CELF2: variants seen among roughly 807,000 people sequenced by gnomAD.
The protein encoded by CELF2 is CUG triplet repeat RNA-binding protein 2.
Under a neutral mutation model 62.6 loss-of-function variants are expected in CELF2, and 8 were observed. That is an observed-to-expected ratio of 0.13 (90% CI 0.07 to 0.23). The LOEUF (loss-of-function observed/expected upper bound fraction) is 0.23. Ranked by LOEUF, CELF2 falls within the 10% of genes least tolerant of loss-of-function variation. CELF2 has a pLI of 1.00. For missense variants in CELF2, 333 were observed against 671.0 expected (o/e 0.50, Z 5.56); for synonymous variants, 258 against 250.0 (o/e 1.03, Z -0.30).
the CELF2 span, among the ~76,000 whole-genome samples, chr10:10,615,726 G>A: frequency 6.6e-6 from 1 of 152,120 alleles, no homozygotes; most frequent in Admixed American, 6.5e-5. Flanking sequence ...CTCCCACCAT[G>A]TAAGATGTGC....
At chr10:11,235,170 AC>A (rs1197345742) in intron 3 of CELF2, among the ~76,000 whole-genome samples, 1 of 152,172 alleles carries the variant, frequency 6.6e-6, no homozygotes, top group African/African-American at 2.4e-5. Flanking sequence ...GACAAAAAAA[AC>A]AAAGCAAACA....
chr10:10,469,423 G>T, the CELF2 span, among the ~76,000 whole-genome samples: 1 of 151,880 alleles, frequency 6.6e-6, no homozygotes, highest in Non-Finnish European at 1.5e-5. Context: ...TCACTGTAGA[G>T]AATGAGGTAT....
chr10:11,002,800 G>C (rs759242808), upstream of CELF2, among the ~76,000 whole-genome samples: 1 of 151,972 alleles, frequency 6.6e-6, no homozygotes, highest in Non-Finnish European at 1.5e-5. This position sits in a 1 kb window ranked among gnomAD's most constrained non-coding sequence, Gnocchi z 4.4. Context: ...AATAAGAAAC[G>C]TCAAGGTTAT....
chr10:11,078,254 G>C (rs1262514544), intron 1 of CELF2, among the ~76,000 whole-genome samples: 2 of 152,104 alleles, frequency 1.3e-5, no homozygotes, highest in Admixed American at 6.6e-5. Context: ...GGAAGTGGTG[G>C]GGGGCGGAAT....
Position 11,018,067 on chromosome 10 carries a change from T to TGCCGCC in CELF2, c.-20_-15dup. The TGCCGCC allele has an allele frequency of 2.1e-6, 3 of 1,432,692 alleles. No homozygotes were observed. The highest frequency in any genetic ancestry group is 2.8e-6 in the Non-Finnish European group (3 of 1,076,452). The allele number at this position is 1,432,692 out of a possible 1,614,324, so 88.7% of individuals were successfully genotyped here. A position where few individuals can be genotyped will look rare whatever the true frequency, so the allele number is the denominator to read the frequency against. ...CGCGCGCAGAGCCGCCCCCCGCCGCTGCCGCCGCGTGCGCCCGCGAACATG... is the reference window on the plus strand; with the variant it reads ...CGCGCGCAGAGCCGCCCCCCGCCGCTGCCGCCGCCGCCGCGTGCGCCCGCGAACATG... On this transcript the variant is annotated 5_prime_UTR_variant, in exon 1 of 13. Transcript: ENST00000633077.
chr10:10,986,082 A>C (rs1299173239), intron 2 of CELF2, among the ~76,000 whole-genome samples: 1 of 152,218 alleles, frequency 6.6e-6, no homozygotes, highest in Non-Finnish European at 1.5e-5. Context: ...CAACTTCTGA[A>C]AATTCCATAG....
At chr10:11,251,170 G>T (rs1034567685) in intron 4 of CELF2, among the ~76,000 whole-genome samples, 1 of 150,282 alleles carries the variant, frequency 6.7e-6, no homozygotes, top group Non-Finnish European at 1.5e-5. Flanking sequence ...AAAAGGGTTT[G>T]TCTCACTTCT....
In CELF2 at chr10:11,237,554, T is replaced by C. The variant is rs1331231990; in HGVS notation, c.355-11599T>C. 6.6e-6 allele frequency among the ~76,000 whole-genome samples: 1 copy of C among 152,204 alleles called. No homozygotes were observed. Among genetic ancestry groups the C allele is most frequent in the East Asian group, 1.9e-4 (1 of 5,194 alleles). ...GTTCCCAATTTGAGGCCAGCACATG[T>C]ACCAGGTCGTCAAGGGGAGCCCAGG... On this transcript the variant is annotated intron_variant, in intron 3 of 12. Transcript: ENST00000633077. This position sits in a 1 kb window ranked among gnomAD's most constrained non-coding sequence, Gnocchi z 4.0.
intron 1 of CELF2, among the ~76,000 whole-genome samples, chr10:11,064,129 G>A (rs1357180673): frequency 1.3e-5 from 2 of 152,088 alleles, no homozygotes; most frequent in Non-Finnish European, 2.9e-5. Context: ...GTTGTTTCGG[G>A]CAAAAGATTG....
chr10:10,805,150 G>A (rs1018140794), intron 1 of CELF2, among the ~76,000 whole-genome samples: 1 of 152,198 alleles, frequency 6.6e-6, no homozygotes, highest in African/African-American at 2.4e-5. Flanking sequence ...GTAGGTAGTG[G>A]TTCTTTTGCT....
At chr10:10,545,793 C>A in the CELF2 span, among the ~76,000 whole-genome samples, 1 of 151,944 alleles carries the variant, frequency 6.6e-6, no homozygotes, top group Non-Finnish European at 1.5e-5. Context: ...TTAGGGTGAT[C>A]GAGGGAGCAA....
intron 9 of CELF2, among the ~76,000 whole-genome samples, chr10:11,304,183 G>A (rs765980098): frequency 4.6e-5 from 7 of 152,124 alleles, no homozygotes; most frequent in Non-Finnish European, 8.8e-5. Flanking sequence ...GGAGGCTCTC[G>A]GGGTAAATCC....
the CELF2 span, among the ~76,000 whole-genome samples, chr10:10,483,016 C>T: frequency 6.6e-6 from 1 of 152,140 alleles, no homozygotes; most frequent in Non-Finnish European, 1.5e-5. Flanking sequence ...CTCCTCCCTT[C>T]TTCTGCCTCC....
At chr10:11,301,274 C>T (rs564894916) in intron 9 of CELF2, among the ~76,000 whole-genome samples, 1 of 152,008 alleles carries the variant, frequency 6.6e-6, no homozygotes, top group African/African-American at 2.4e-5. Context: ...GCAGCCTCAC[C>T]CCAAATCAAG....
rs145011889 is a variant in CELF2 at position 10,934,780 on chromosome 10, A to G, written c.89+14781A>G. ...ATGTTTGAGCATTTAGTAAGAAAGCATCTTGTATGTTGTTTGCATGGAGGT... is the reference window on the plus strand; with the variant it reads ...ATGTTTGAGCATTTAGTAAGAAAGCGTCTTGTATGTTGTTTGCATGGAGGT... On this transcript the variant is annotated intron_variant, in intron 2 of 13. Transcript: ENST00000636488. This position sits in a 1 kb window ranked among gnomAD's most constrained non-coding sequence, Gnocchi z 4.4. 3 of 152,318 alleles carry G rather than the reference A, an allele frequency of 2.0e-5. No individual in the cohort carries two copies. Among genetic ancestry groups the G allele is most frequent in the South Asian group, 2.1e-4 (1 of 4,822 alleles). 9.4% of individuals were successfully genotyped at this position (152,318 alleles called of 1,614,324 possible).
chr10:10,760,961 A>G, the CELF2 span, among the ~76,000 whole-genome samples: 37 of 152,294 alleles, frequency 2.4e-4, no homozygotes, highest in African/African-American at 8.7e-4. Flanking sequence ...GTCACAGAAG[A>G]ATTTTAAGCT....
rs1213615824 is a variant in CELF2, at chr10:11,315,136, G to A, written c.1096+878G>A. ...AGATTCATGCTCGGTGTGGGTTCCT[G>A]TACTGAGGAAACTGATCCTCAGCCC... On this transcript the variant is annotated intron_variant, in intron 10 of 12. Coordinates refer to ENST00000633077, the MANE Select transcript of CELF2 (RefSeq NM_001326342.2). The surrounding 1 kb of genome is among the most constrained non-coding windows in gnomAD (Gnocchi z 5.8). Among the ~76,000 whole-genome samples the A allele has an allele frequency of 6.6e-6, 1 of 152,112 alleles. No homozygotes were observed. The highest frequency in any genetic ancestry group is 6.5e-5 in the Admixed American group (1 of 15,286).
chr10:10,793,567 A>G (rs2053974018), upstream of CELF2, among the ~76,000 whole-genome samples: 1 of 152,194 alleles, frequency 6.6e-6, no homozygotes, highest in African/African-American at 2.4e-5. Flanking sequence ...ATCAGTTTCA[A>G]TGCTTCTCAA....
the CELF2 span, among the ~76,000 whole-genome samples, chr10:10,582,627 C>T: frequency 0.47 from 70,918 of 151,982 alleles, 17,369 homozygotes; most frequent in East Asian, 0.64. Flanking sequence ...TATTCTTTCT[C>T]AGACTTTCAA....
Sources: allele counts gnomAD v4.1 joint callset (sites outside exome capture counted in the v4.1 genomes callset), GRCh38; gene constraint gnomAD v4.1.1; non-coding constraint Gnocchi (gnomAD v3.1); transcripts MANE v1.5; gene names NCBI Gene and HGNC (gene_info 2026-07-23, HGNC 2026-07-21).